PRDM11: variants seen among roughly 807,000 people sequenced by gnomAD.
PRDM11 encodes the protein PR/SET domain 11, also known as PR domain-containing protein 11.
Under a neutral mutation model 97.8 loss-of-function variants are expected in PRDM11, and 20 were observed. The ratio of observed to expected loss-of-function variants is 0.20; its 90% CI spans 0.14 to 0.30. The LOEUF is 0.30. Ranked by LOEUF, PRDM11 falls within the 10% of genes least tolerant of loss-of-function variation. The probability of loss-of-function intolerance (pLI) is 1.00; values close to 1 mark genes in which losing one functional copy is unlikely to be tolerated. For missense variants in PRDM11, 1,139 were observed against 1,555.2 expected (o/e 0.73, Z 4.50); for synonymous variants, 599 against 637.7 (o/e 0.94, Z 0.91).
chr11:45,187,486 G>A (rs558055729), intron 4 of PRDM11, among the ~76,000 whole-genome samples: 94 of 152,310 alleles, frequency 6.2e-4, no homozygotes, highest in Non-Finnish European at 1.1e-3. Context: ...ACAGGTCTAC[G>A]GTGAGAAGAA....
intron 1 of PRDM11, among the ~76,000 whole-genome samples, chr11:45,108,452 C>T (rs779164115): frequency 1.3e-5 from 2 of 152,204 alleles, no homozygotes; most frequent in Non-Finnish European, 1.5e-5. Flanking sequence ...CACTCCTGCC[C>T]ATGTGCCCAC....
chr11:45,098,495 T>C (rs1310082075), intron 1 of PRDM11, among the ~76,000 whole-genome samples: 1 of 151,846 alleles, frequency 6.6e-6, no homozygotes, highest in African/African-American at 2.4e-5. Flanking sequence ...GTCAGTGAGG[T>C]TGCTACTAAT....
intron 1 of PRDM11, among the ~76,000 whole-genome samples, chr11:45,168,419 G>A (rs1286924668): frequency 6.6e-6 from 1 of 152,204 alleles, no homozygotes; most frequent in African/African-American, 2.4e-5. Flanking sequence ...GGAATTGGGA[G>A]GAGTGTAGGT....
At chr11:45,170,772 G>A (rs1384466771) in intron 1 of PRDM11, among the ~76,000 whole-genome samples, 1 of 152,186 alleles carries the variant, frequency 6.6e-6, no homozygotes, top group Non-Finnish European at 1.5e-5. Context: ...TAGGGGTAGA[G>A]TGGAAGGAGG....
At chr11:45,193,893 C>G (rs1853005426) in intron 4 of PRDM11, among the ~76,000 whole-genome samples, 1 of 152,230 alleles carries the variant, frequency 6.6e-6, no homozygotes, top group South Asian at 2.1e-4. Context: ...GCTTCTCTCT[C>G]TGGAGCCAGG....
intron 6 of PRDM11, among the ~76,000 whole-genome samples, chr11:45,220,407 G>A (rs12417962): frequency 0.11 from 17,286 of 152,196 alleles, 1,401 homozygotes; most frequent in Admixed American, 0.27. Context: ...TGGACATGTG[G>A]CATTTAGGAC....
intron 1 of PRDM11, among the ~76,000 whole-genome samples, chr11:45,179,670 C>T (rs2135730492): frequency 6.6e-6 from 1 of 152,302 alleles, no homozygotes. Context: ...TATAAGGGCA[C>T]CTAACCCTTA....
intron 1 of PRDM11, among the ~76,000 whole-genome samples, chr11:45,151,997 G>A (rs1237254100): frequency 2.0e-5 from 3 of 152,166 alleles, no homozygotes; most frequent in African/African-American, 4.8e-5. Context: ...TCTTACCCCA[G>A]TTATCTCCAT....
chr11:45,160,916 C>T (rs1171732653), intron 1 of PRDM11, among the ~76,000 whole-genome samples: 1 of 152,186 alleles, frequency 6.6e-6, no homozygotes, highest in Middle Eastern at 3.2e-3. Flanking sequence ...GCTGTGGCCC[C>T]TGGAGCCTTC....
chr11:45,107,084 A>G (rs1852074677), intron 1 of PRDM11, among the ~76,000 whole-genome samples: 1 of 152,194 alleles, frequency 6.6e-6, no homozygotes, highest in South Asian at 2.1e-4. Context: ...ACAGGTCAGT[A>G]TGGGGCTGGC....
At chr11:45,164,276 T>C (rs1852005543) in intron 1 of PRDM11, among the ~76,000 whole-genome samples, 1 of 152,176 alleles carries the variant, frequency 6.6e-6, no homozygotes. Flanking sequence ...CCTGGGAAGC[T>C]GAGTCCAGAA....
intron 1 of PRDM11, among the ~76,000 whole-genome samples, chr11:45,126,411 G>A (rs1852574306): frequency 6.6e-6 from 1 of 152,114 alleles, no homozygotes; most frequent in South Asian, 2.1e-4. Context: ...CTCATTAGTT[G>A]ATGCAGTTTC....
chr11:45,154,642 C>T (rs2135691379), intron 1 of PRDM11, among the ~76,000 whole-genome samples: 1 of 152,166 alleles, frequency 6.6e-6, no homozygotes, highest in South Asian at 2.1e-4. Flanking sequence ...CCTTCAGTGC[C>T]TTCTAGAGCT....
chr11:45,105,232 T>C (rs875973), intron 1 of PRDM11, among the ~76,000 whole-genome samples: 73,305 of 152,162 alleles, frequency 0.48, 20,023 homozygotes, highest in African/African-American at 0.74. Flanking sequence ...ATGGCCTAAT[T>C]GCCTCCTCAA....
rs148504802 is a variant in PRDM11, at chr11:45,152,267, C to T, written c.-7+5390C>T. Among the ~76,000 whole-genome samples, 917 of 152,184 alleles carry T rather than the reference C, an allele frequency of 6.0e-3. 11 individuals carry two copies. Among genetic ancestry groups the T allele is most frequent in the African/African-American group, 0.021 (870 of 41,534 alleles). On this transcript the variant is annotated intron_variant, in intron 1 of 7. Transcript: ENST00000683152. ...TTTTCAGTAGAGACTGGGGTCTCAC[C>T]AGTTGGCCAGGCTGGTCTTGAACTC...
intron 4 of PRDM11, among the ~76,000 whole-genome samples, chr11:45,203,824 G>T (rs561699334): frequency 6.6e-6 from 1 of 152,070 alleles, no homozygotes; most frequent in Non-Finnish European, 1.5e-5. Context: ...AAATTGTACT[G>T]AAAGAGAATG....
At chr11:45,133,573 C>T (rs190084557) in intron 1 of PRDM11, among the ~76,000 whole-genome samples, 123 of 152,324 alleles carry the variant, frequency 8.1e-4, no homozygotes, top group Non-Finnish European at 1.4e-3. Context: ...GGAGCCAACA[C>T]GTTATTCTTT....
At chr11:45,150,504 T>A (rs1851633931) in intron 1 of PRDM11, among the ~76,000 whole-genome samples, 1 of 152,076 alleles carries the variant, frequency 6.6e-6, no homozygotes, top group Admixed American at 6.5e-5. Context: ...GGGGACAGGA[T>A]GAGGGAACAC....
At chr11:45,155,416 C>T (rs1328597879) in intron 1 of PRDM11, among the ~76,000 whole-genome samples, 1 of 152,188 alleles carries the variant, frequency 6.6e-6, no homozygotes, top group Non-Finnish European at 1.5e-5. Flanking sequence ...GGACTCAGCA[C>T]CGTCATGGCC....
Sources: gnomAD v4.1 joint callset for allele counts (sites outside exome capture counted in the v4.1 genomes callset) on GRCh38, gnomAD v4.1.1 for gene constraint, MANE v1.5 for transcripts, NCBI Gene and HGNC (gene_info 2026-07-23, HGNC 2026-07-21) for gene names.